Variants in SGCZ observed in about 807,000 individuals in gnomAD.
SGCZ encodes sarcoglycan zeta.
Under a neutral mutation model 41.3 loss-of-function variants are expected in SGCZ, and 40 were observed. The observed-to-expected ratio is 0.97, with a 90% confidence interval of 0.75 to 1.26. SGCZ has a LOEUF of 1.26. Ranked by LOEUF, SGCZ falls within the 50% of genes most tolerant of loss-of-function variation. The pLI is 0.00. For missense variants in SGCZ, 552 were observed against 369.8 expected (o/e 1.49, Z -4.04); for synonymous variants, 206 against 137.5 (o/e 1.50, Z -3.49).
chr8:14,277,907 GA>G (rs969220765), intron 3 of SGCZ, among the ~76,000 whole-genome samples: 12 of 151,910 alleles, frequency 7.9e-5, no homozygotes, highest in African/African-American at 2.4e-4. Flanking sequence ...GAGAGAAAAA[GA>G]AAAAAGAAAA....
At chr8:14,908,167 AT>A (rs761052390) in intron 1 of SGCZ, among the ~76,000 whole-genome samples, 29 of 152,168 alleles carry the variant, frequency 1.9e-4, no homozygotes, top group Non-Finnish European at 3.2e-4. Context: ...GATGGGAATA[AT>A]TTGTGACAAT....
chr8:14,652,363 G>GA (rs1807433786), intron 1 of SGCZ, among the ~76,000 whole-genome samples: 1 of 101,734 alleles, frequency 9.8e-6, no homozygotes. Flanking sequence ...GGTGTGGGGG[G>GA]GAGAAAACAC....
intron 1 of SGCZ, among the ~76,000 whole-genome samples, chr8:14,557,183 T>G (rs927369366): frequency 1.3e-5 from 2 of 152,000 alleles, no homozygotes; most frequent in African/African-American, 4.8e-5. Context: ...CATGATCATT[T>G]GTGATGTTAA....
intron 2 of SGCZ, among the ~76,000 whole-genome samples, chr8:14,342,073 G>T (rs55668125): frequency 6.6e-6 from 1 of 152,088 alleles, no homozygotes; most frequent in South Asian, 2.1e-4. Flanking sequence ...GAAAAATGTA[G>T]GAAAGTTTGG....
intron 2 of SGCZ, among the ~76,000 whole-genome samples, chr8:14,465,004 T>C (rs1451174521): frequency 6.6e-6 from 1 of 151,730 alleles, no homozygotes; most frequent in Non-Finnish European, 1.5e-5. Context: ...AAACATATGG[T>C]CTATCCTTGA....
intron 1 of SGCZ, among the ~76,000 whole-genome samples, chr8:15,102,045 A>G (rs1480515252): frequency 1.3e-5 from 2 of 152,180 alleles, no homozygotes; most frequent in East Asian, 3.9e-4. Context: ...TGATCCAGCA[A>G]TCACACTCCT....
At chr8:14,785,828 A>G (rs767646911) in intron 1 of SGCZ, among the ~76,000 whole-genome samples, 2 of 151,426 alleles carry the variant, frequency 1.3e-5, no homozygotes, top group Non-Finnish European at 2.9e-5. Context: ...TCTCATATTC[A>G]TTTTTACTTT....
chr8:14,492,217 C>T (rs1440859814), intron 2 of SGCZ, among the ~76,000 whole-genome samples: 1 of 152,068 alleles, frequency 6.6e-6, no homozygotes, highest in Non-Finnish European at 1.5e-5. Context: ...TCATCACAAC[C>T]TTTTAAATAT....
chr8:14,927,947 G>C (rs1026427654), intron 1 of SGCZ, among the ~76,000 whole-genome samples: 3 of 152,086 alleles, frequency 2.0e-5, no homozygotes, highest in Admixed American at 6.6e-5. Context: ...AACATCCCAA[G>C]AACCTGGATG....
chr8:14,395,593 T>C (rs1227843051), intron 2 of SGCZ, among the ~76,000 whole-genome samples: 2 of 151,978 alleles, frequency 1.3e-5, no homozygotes, highest in Non-Finnish European at 2.9e-5. Flanking sequence ...TTGAAAGGAG[T>C]ATTGATTTTC....
At position 14,818,820 on chromosome 8, in the gene SGCZ, G is replaced by A. The variant is rs78301861; in HGVS notation, c.40-263894C>T. Reference sequence around the variant, plus strand: ...GAGCTTCAAGAACAGATTAGATCAAGCAGAAGATAGAATTTCTGATTTTGA... The same window carrying A: ...GAGCTTCAAGAACAGATTAGATCAAACAGAAGATAGAATTTCTGATTTTGA... On this transcript the variant is annotated intron_variant, in intron 1 of 7. Coordinates refer to ENST00000382080, the MANE Select transcript of SGCZ (RefSeq NM_139167.4). Among the ~76,000 whole-genome samples, 123 of 152,032 alleles carry A rather than the reference G, an allele frequency of 8.1e-4. 1 individual carries two copies. The East Asian group carries it at 0.012, about 15-fold the overall frequency.
At chr8:14,234,692 A>G (rs924770147) in intron 4 of SGCZ, among the ~76,000 whole-genome samples, 1 of 152,118 alleles carries the variant, frequency 6.6e-6, no homozygotes, top group Non-Finnish European at 1.5e-5. Context: ...AGAAATAGAC[A>G]AGGAGGGTTA....
intron 1 of SGCZ, among the ~76,000 whole-genome samples, chr8:14,977,219 T>C (rs1278875618): frequency 1.3e-5 from 2 of 152,264 alleles, no homozygotes; most frequent in East Asian, 3.9e-4. Flanking sequence ...TTCTTCACAG[T>C]GAAGCCTCCA....
chr8:14,362,409 C>A (rs1370508143), intron 2 of SGCZ, among the ~76,000 whole-genome samples: 2 of 152,202 alleles, frequency 1.3e-5, no homozygotes, highest in African/African-American at 4.8e-5. Flanking sequence ...ATGGTGGACG[C>A]CCCAACGCCA....
intron 2 of SGCZ, among the ~76,000 whole-genome samples, chr8:14,514,825 GCA>G (rs146945070): frequency 0.033 from 4,510 of 135,584 alleles, 102 homozygotes; most frequent in Non-Finnish European, 0.045. Flanking sequence ...ATATATACAC[GCA>G]CACACACACA....
intron 1 of SGCZ, among the ~76,000 whole-genome samples, chr8:14,860,941 A>G (rs1425182191): frequency 2.0e-5 from 3 of 152,146 alleles, no homozygotes; most frequent in South Asian, 4.1e-4. Flanking sequence ...TGATGAGACA[A>G]TGGACATTTA....
chr8:14,405,401 C>T (rs1213063873), intron 2 of SGCZ, among the ~76,000 whole-genome samples: 1 of 152,146 alleles, frequency 6.6e-6, no homozygotes, highest in African/African-American at 2.4e-5. Context: ...AAAATGCACT[C>T]AGAAAATATA....
At chr8:14,389,970 C>T (rs1023024508) in intron 2 of SGCZ, among the ~76,000 whole-genome samples, 1 of 151,682 alleles carries the variant, frequency 6.6e-6, no homozygotes, top group East Asian at 1.9e-4. Flanking sequence ...GAAACGAAGA[C>T]GGGGGATTTT....
chr8:15,117,570 G>C lies in SGCZ; in HGVS notation c.39+120015C>G, dbSNP rs1248102851. Among the ~76,000 whole-genome samples, 11 of 152,178 alleles carry C rather than the reference G, an allele frequency of 7.2e-5. No homozygotes were observed. In the East Asian group the frequency reaches 2.1e-3, roughly 30 times the overall value. ...ATATTGAGCAGGTCATAACTTCTGA[G>C]CTCCTATTTTACCTGTAAAATATAG... On this transcript the variant is annotated intron_variant, in intron 1 of 7. Coordinates refer to ENST00000382080, the MANE Select transcript of SGCZ (RefSeq NM_139167.4).
Sources: gnomAD v4.1 joint callset for allele counts (sites outside exome capture counted in the v4.1 genomes callset) on GRCh38, gnomAD v4.1.1 for gene constraint, MANE v1.5 for transcripts, NCBI Gene and HGNC (gene_info 2026-07-23, HGNC 2026-07-21) for gene names.